The following CHRNA7 variants were observed in gnomAD, a reference collection of about 807,000 sequenced individuals.
The protein encoded by CHRNA7 is cholinergic receptor nicotinic alpha 7 subunit.
A neutral mutation model predicts 48.0 loss-of-function variants in CHRNA7; 17 were observed. The ratio of observed to expected loss-of-function variants is 0.35; its 90% CI spans 0.24 to 0.53. The LOEUF is 0.53. Among genes scored for constraint, CHRNA7 ranks in the 20% least tolerant of loss-of-function variants. CHRNA7 has a pLI of 0.92. For synonymous variants in CHRNA7, 75 were observed against 242.3 expected (o/e 0.31, Z 6.41); for missense variants, 155 against 577.7 (o/e 0.27, Z 7.50).
chr15:32,042,157 A>AG (rs1325043056), intron 2 of CHRNA7, among the ~76,000 whole-genome samples: 1 of 152,024 alleles, frequency 6.6e-6, no homozygotes, highest in East Asian at 1.9e-4. Context: ...GTGTGGAGGG[A>AG]GGGGAAGCAT....
At chr15:32,088,931 T>C (rs781008312) in intron 2 of CHRNA7, among the ~76,000 whole-genome samples, 51 of 152,190 alleles carry the variant, frequency 3.4e-4, no homozygotes, top group Non-Finnish European at 2.6e-4. Flanking sequence ...AAAGTCCAAC[T>C]TACTAATTTT....
chr15:32,139,440 C>G (rs1294109300), intron 4 of CHRNA7, among the ~76,000 whole-genome samples: 1 of 152,258 alleles, frequency 6.6e-6, no homozygotes, highest in Non-Finnish European at 1.5e-5. Context: ...AACTGCCAAA[C>G]TGCCTTCCAA....
chr15:32,079,910 G>A (rs1002690055), intron 2 of CHRNA7, among the ~76,000 whole-genome samples: 2 of 152,136 alleles, frequency 1.3e-5, no homozygotes, highest in Non-Finnish European at 2.9e-5. Context: ...ATACTACAGT[G>A]CTACAGTAAC....
intron 4 of CHRNA7, among the ~76,000 whole-genome samples, chr15:32,137,751 CGT>C (rs1024972876): frequency 7.9e-5 from 12 of 152,272 alleles, no homozygotes; most frequent in African/African-American, 2.2e-4. Flanking sequence ...TGTGTGTGTA[CGT>C]GTGTGTGCAC....
intron 3 of CHRNA7, among the ~76,000 whole-genome samples, chr15:32,107,746 G>A (rs983574696): frequency 1.3e-5 from 2 of 152,152 alleles, no homozygotes; most frequent in Admixed American, 6.5e-5. Flanking sequence ...GACCAAGAGT[G>A]TTTATAACCC....
At chr15:32,087,874 G>A (rs762585150) in intron 2 of CHRNA7, among the ~76,000 whole-genome samples, 58 of 152,232 alleles carry the variant, frequency 3.8e-4, no homozygotes, top group Non-Finnish European at 8.1e-4. Flanking sequence ...CAGTAAGGTC[G>A]TTTTATACTT....
chr15:32,066,618 T>C (rs1395515550), intron 2 of CHRNA7, among the ~76,000 whole-genome samples: 1 of 152,168 alleles, frequency 6.6e-6, no homozygotes, highest in African/African-American at 2.4e-5. Flanking sequence ...TCAAAAAATA[T>C]ATGTATGAGA....
rs78008975 is a variant in CHRNA7, at chr15:32,138,237, G to A, written c.351-15670G>A. Among the ~76,000 whole-genome samples, 456 of 152,080 alleles carry A rather than the reference G, an allele frequency of 3.0e-3. 1 individual carries two copies. Among genetic ancestry groups the A allele is most frequent in the African/African-American group, 0.01 (427 of 41,484 alleles). The stretch of plus-strand genomic sequence containing the variant: ...CAAACATTTACTGGATATAAAAGGG[G>A]TTTTCAACTACAGAAAAATACTTAA... On this transcript the variant is annotated intron_variant, in intron 4 of 9. Transcript: ENST00000306901.
chr15:32,128,732 C>T (rs2051109477), intron 4 of CHRNA7, among the ~76,000 whole-genome samples: 1 of 151,552 alleles, frequency 6.6e-6, no homozygotes, highest in African/African-American at 2.4e-5. Context: ...TTTTAAATTT[C>T]TTTCTGATTT....
At chr15:32,039,505 C>A (rs1431782968) in intron 2 of CHRNA7, among the ~76,000 whole-genome samples, 1 of 152,034 alleles carries the variant, frequency 6.6e-6, no homozygotes, top group African/African-American at 2.4e-5. Context: ...CTTGAGAATT[C>A]TTCTTTGAGG....
chr15:32,078,754 C>T (rs1209797494), intron 2 of CHRNA7, among the ~76,000 whole-genome samples: 2 of 150,800 alleles, frequency 1.3e-5, no homozygotes, highest in African/African-American at 4.9e-5. Flanking sequence ...TCTTCTGAAA[C>T]TATTCCAAAC....
At chr15:32,130,448 C>A (rs2051134769) in intron 4 of CHRNA7, among the ~76,000 whole-genome samples, 1 of 151,132 alleles carries the variant, frequency 6.6e-6, no homozygotes, top group Non-Finnish European at 1.5e-5. Context: ...TCATAATTTT[C>A]TTTTCTCTAA....
At chr15:32,050,976 C>T (rs887686486) in intron 2 of CHRNA7, among the ~76,000 whole-genome samples, 44 of 152,234 alleles carry the variant, frequency 2.9e-4, no homozygotes, top group African/African-American at 9.1e-4. Flanking sequence ...TCATGATCCG[C>T]GAATGCTGCT....
At chr15:32,127,491 G>A (rs1374648130) in intron 4 of CHRNA7, among the ~76,000 whole-genome samples, 3 of 151,968 alleles carry the variant, frequency 2.0e-5, no homozygotes, top group African/African-American at 4.8e-5. Flanking sequence ...TTTTAGCCAC[G>A]CTAGTAGGTG....
intron 4 of CHRNA7, among the ~76,000 whole-genome samples, chr15:32,146,672 A>G (rs1195247939): frequency 6.6e-6 from 1 of 152,230 alleles, no homozygotes; most frequent in Non-Finnish European, 1.5e-5. Flanking sequence ...TAAATTTAAG[A>G]AAGAACAACA....
chr15:32,053,456 G>A (rs1453646737), intron 2 of CHRNA7, among the ~76,000 whole-genome samples: 2 of 152,164 alleles, frequency 1.3e-5, no homozygotes, highest in Non-Finnish European at 2.9e-5. Flanking sequence ...CTTAATTTCA[G>A]TGATTTCCTT....
intron 2 of CHRNA7, among the ~76,000 whole-genome samples, chr15:32,072,431 G>A (rs1219757203): frequency 6.6e-6 from 1 of 152,140 alleles, no homozygotes. Context: ...TTTCAGGAGA[G>A]GACAATAAGC....
rs1355606873 is a variant in CHRNA7 at position 32,030,556 on chromosome 15, C to G, written c.-39C>G. On this transcript the variant is annotated 5_prime_UTR_variant, in exon 1 of 10. Coordinates refer to ENST00000306901, the MANE Select transcript of CHRNA7 (RefSeq NM_000746.6). ...GCGCAGGCCCGGGCGACAGCCGAGA[C>G]GTGGAGCGCGCCGGCTCGCTGCAGC... The G allele has an allele frequency of 6.9e-7, 1 of 1,455,114 alleles. No individual in the cohort carries two copies. Among genetic ancestry groups the G allele is most frequent in the Non-Finnish European group, 9.0e-7 (1 of 1,109,594 alleles). The allele number at this position is 1,455,114 out of a possible 1,614,324, so 90.1% of individuals were successfully genotyped here. A position where few individuals can be genotyped will look rare whatever the true frequency, so the allele number is the denominator to read the frequency against.
chr15:32,032,030 A>C (rs997325152), intron 2 of CHRNA7, among the ~76,000 whole-genome samples: 1 of 152,166 alleles, frequency 6.6e-6, no homozygotes, highest in Non-Finnish European at 1.5e-5. Flanking sequence ...AAGTGGAAAA[A>C]GGTAAGAGGT....
Sources: allele counts gnomAD v4.1 joint callset (sites outside exome capture counted in the v4.1 genomes callset), GRCh38; gene constraint gnomAD v4.1.1; transcripts MANE v1.5; gene names NCBI Gene and HGNC (gene_info 2026-07-23, HGNC 2026-07-21).